ZBTB7C: variants seen among roughly 807,000 people sequenced by gnomAD.
The protein encoded by ZBTB7C is zinc finger and BTB domain containing 7C.
In ZBTB7C, 8 loss-of-function variants were observed where a neutral mutation model predicts 25.7. The observed-to-expected ratio is 0.31, with a 90% CI of 0.18 to 0.56. The LOEUF (loss-of-function observed/expected upper bound fraction) is 0.56, where lower values mean the gene tolerates loss of function less well. ZBTB7C is among the 20% of genes least tolerant of loss of function. The pLI, the probability that ZBTB7C is intolerant of heterozygous loss-of-function variation, is 0.91. For synonymous variants in ZBTB7C, 394 were observed against 369.0 expected, an observed-to-expected ratio of 1.07 and a Z score of -0.78; for missense variants, 824 against 855.2, an observed-to-expected ratio of 0.96 and a Z score of 0.46.
chr18:48,180,439 G>T (rs1476631455), intron 3 of ZBTB7C: 4 of 437,280 alleles, frequency 9.1e-6, no homozygotes, highest in Non-Finnish European at 1.8e-5. Flanking sequence ...TGAAGACAAG[G>T]GTCTGGAGAC....
At chr18:48,039,252 A>G (rs1054986720) in intron 4 of ZBTB7C, among the ~76,000 whole-genome samples, 1 of 152,220 alleles carries the variant, frequency 6.6e-6, no homozygotes, top group Non-Finnish European at 1.5e-5. Context: ...AAAATGATTG[A>G]GAGGACCTAC....
At chr18:48,130,005 T>G (rs2144767721) in intron 3 of ZBTB7C, among the ~76,000 whole-genome samples, 1 of 152,232 alleles carries the variant, frequency 6.6e-6, no homozygotes. Flanking sequence ...GACAGAAGCA[T>G]TTTCTGAGCA....
chr18:48,400,487 C>A (rs1334265833), intron 1 of ZBTB7C, among the ~76,000 whole-genome samples: 2 of 152,182 alleles, frequency 1.3e-5, no homozygotes, highest in African/African-American at 2.4e-5. Flanking sequence ...CTGTCTCAGG[C>A]CCCTCTGCTG....
rs28569175 is a variant in ZBTB7C, at chr18:48,409,245, T to C, written c.-323A>G. 0.13 allele frequency: 19,397 copies of C among 148,496 alleles called. 2,439 individuals are homozygous for C. The highest frequency in any genetic ancestry group is 0.33 in the African/African-American group (13,455 of 40,684). The allele number at this position is 148,496 out of a possible 1,614,324, so 9.2% of individuals were successfully genotyped here. A position where few individuals can be genotyped will look rare whatever the true frequency, so the allele number is the denominator to read the frequency against. ...GCTCACCTCCGCGCGCCGCCGGCCC[T>C]GCGCGCCTCCCGCACTTGGCTCCGG... On this transcript the variant is annotated 5_prime_UTR_variant, in exon 1 of 5. Coordinates refer to ENST00000590800, the MANE Select transcript of ZBTB7C (RefSeq NM_001318841.2).
chr18:48,091,344 A>C (rs1188615701), intron 3 of ZBTB7C, among the ~76,000 whole-genome samples: 2 of 149,586 alleles, frequency 1.3e-5, no homozygotes, highest in Non-Finnish European at 3.0e-5. Flanking sequence ...TGGCCTCCCA[A>C]AGTGCTGGGA....
At chr18:48,397,381 G>T (rs770154344) in intron 1 of ZBTB7C, among the ~76,000 whole-genome samples, 1 of 152,212 alleles carries the variant, frequency 6.6e-6, no homozygotes, top group African/African-American at 2.4e-5. Flanking sequence ...TTGTACAGGC[G>T]GTTCCCCACC....
chr18:48,229,722 G>A (rs1395585033), intron 2 of ZBTB7C, among the ~76,000 whole-genome samples: 1 of 152,172 alleles, frequency 6.6e-6, no homozygotes. Flanking sequence ...TCTGTTGGCG[G>A]GAATTGTCGA....
intron 3 of ZBTB7C, among the ~76,000 whole-genome samples, chr18:48,073,505 G>T (rs1053654192): frequency 6.6e-6 from 1 of 152,122 alleles, no homozygotes; most frequent in African/African-American, 2.4e-5. Flanking sequence ...AAGAGTCCCC[G>T]GGGCTGGGAC....
chr18:48,095,696 AG>A (rs1242807455), intron 3 of ZBTB7C, among the ~76,000 whole-genome samples: 10 of 149,238 alleles, frequency 6.7e-5, no homozygotes, highest in African/African-American at 2.5e-4. Flanking sequence ...TGGGTGACAG[AG>A]TGAGTCTCTG....
At chr18:48,405,068 A>G (rs937739011) in intron 1 of ZBTB7C, among the ~76,000 whole-genome samples, 37 of 152,162 alleles carry the variant, frequency 2.4e-4, no homozygotes, top group Non-Finnish European at 4.4e-4. Context: ...GTTAAACAGA[A>G]AGACAAGCTC....
At chr18:48,093,616 A>G (rs1034804768) in intron 3 of ZBTB7C, among the ~76,000 whole-genome samples, 2 of 137,482 alleles carry the variant, frequency 1.5e-5, no homozygotes, top group East Asian at 4.3e-4. Context: ...ATTAAAAAAA[A>G]ACAAAAAAAA....
chr18:48,300,868 G>T (rs992711146), intron 2 of ZBTB7C, among the ~76,000 whole-genome samples: 1 of 152,262 alleles, frequency 6.6e-6, no homozygotes, highest in Admixed American at 6.5e-5. Flanking sequence ...GGACGGCTTC[G>T]CTGCAAAGCA....
At position 48,227,104 on chromosome 18, in the gene ZBTB7C, C is replaced by T. The variant is rs1467209397; in HGVS notation, c.-78-41109G>A. Among the ~76,000 whole-genome samples, 4 of 152,246 alleles carry T rather than the reference C, an allele frequency of 2.6e-5. No homozygotes were observed. In the South Asian group the frequency reaches 8.3e-4, roughly 32 times the overall value. On this transcript the variant is annotated intron_variant, in intron 2 of 4. Coordinates refer to ENST00000590800, the MANE Select transcript of ZBTB7C (RefSeq NM_001318841.2). Reference sequence around the variant, plus strand: ...TTTAGCCCTAAAGCACAGTTGCAGCCTCTCCTACCAACCTGCCTCTTCTCA... The same window carrying T: ...TTTAGCCCTAAAGCACAGTTGCAGCTTCTCCTACCAACCTGCCTCTTCTCA...
chr18:48,252,474 G>T (rs191572625), intron 2 of ZBTB7C: 2 of 152,240 alleles, frequency 1.3e-5, no homozygotes, highest in East Asian at 1.9e-4. Context: ...CAGTTTCCTC[G>T]TTCTTAAATA....
At chr18:48,245,092 G>GTATATATATATATATATATA (rs1397704476) in intron 2 of ZBTB7C, among the ~76,000 whole-genome samples, 130 of 126,180 alleles carry the variant, frequency 1.0e-3, no homozygotes, top group South Asian at 1.8e-3. Flanking sequence ...GTGTGTGTGT[G>GTATATATATATATATATATA]TATATATATA....
At chr18:48,136,126 C>T (rs2040149404) in intron 3 of ZBTB7C, among the ~76,000 whole-genome samples, 1 of 152,152 alleles carries the variant, frequency 6.6e-6, no homozygotes, top group South Asian at 2.1e-4. Flanking sequence ...GAAGCTCTCT[C>T]CATCGTCCTT....
At position 48,271,190 on chromosome 18, in the gene ZBTB7C, A is replaced by G. The variant is rs539614917; in HGVS notation, c.-79+66984T>C. Among the ~76,000 whole-genome samples, 12 of 152,274 alleles carry G rather than the reference A, an allele frequency of 7.9e-5. 1 individual carries two copies. In the South Asian group the frequency reaches 2.5e-3, roughly 32 times the overall value. ...TTATGGAGTGGTTAATGTTTACCCA[A>G]AGCAAACTGTCTCAGAGAATAGAAT... On this transcript the variant is annotated intron_variant, in intron 2 of 4. Coordinates refer to ENST00000590800, the MANE Select transcript of ZBTB7C (RefSeq NM_001318841.2).
At chr18:48,296,264 A>G (rs949703701) in intron 2 of ZBTB7C, among the ~76,000 whole-genome samples, 2 of 152,074 alleles carry the variant, frequency 1.3e-5, no homozygotes, top group African/African-American at 4.8e-5. Flanking sequence ...ATCCCATGGA[A>G]CCCTGTGCCA....
At position 48,036,735 on chromosome 18, in the gene ZBTB7C, G is replaced by A. The variant is rs1470665118; in HGVS notation, c.1208+3165C>T. ...GGGAGTCTGGGAATTCTGCGTCAACGAGGCAGCCGTCTCTGCTCTAAGTGG... is the reference window on the plus strand; with the variant it reads ...GGGAGTCTGGGAATTCTGCGTCAACAAGGCAGCCGTCTCTGCTCTAAGTGG... On this transcript the variant is annotated intron_variant, in intron 4 of 4. Coordinates refer to ENST00000590800, the MANE Select transcript of ZBTB7C (RefSeq NM_001318841.2). Among the ~76,000 whole-genome samples the A allele has an allele frequency of 5.9e-5, 9 of 152,302 alleles. No homozygotes were observed. In the East Asian group the frequency reaches 7.7e-4, roughly 13 times the overall value.
Sources: allele counts gnomAD v4.1 joint callset (sites outside exome capture counted in the v4.1 genomes callset), GRCh38; gene constraint gnomAD v4.1.1; transcripts MANE v1.5; gene names NCBI Gene and HGNC (gene_info 2026-07-23, HGNC 2026-07-21).